Variants in STK10 observed in about 807,000 individuals in gnomAD.
STK10 encodes serine/threonine-protein kinase 10.
In STK10, 78 loss-of-function variants were observed where a neutral mutation model predicts 113.8. The ratio of observed to expected loss-of-function variants is 0.69; its 90% CI spans 0.57 to 0.83. The LOEUF is 0.83. STK10 is among the 40% of genes least tolerant of loss of function. STK10 has a pLI of 0.00. For synonymous variants in STK10, 465 were observed against 494.7 expected (o/e 0.94, Z 0.80); for missense variants, 1,109 against 1,280.1 (o/e 0.87, Z 2.04).
chr5:172,156,920 T>G (rs1331611414), intron 1 of STK10, 132 bp from the exon 2 acceptor site: 9 of 1,013,836 alleles, frequency 8.9e-6, no homozygotes, highest in Non-Finnish European at 1.3e-5. Context: ...GAACGTACAT[T>G]GTTCTTAACA....
intron 13 of STK10, among the ~76,000 whole-genome samples, chr5:172,061,982 C>CTT (rs1010011082): frequency 4.2e-5 from 6 of 142,136 alleles, no homozygotes; most frequent in African/African-American, 1.0e-4. Context: ...TTTCTTTTTT[C>CTT]TTTTTTTTTT....
At chr5:172,106,140 G>A (rs376378758) in intron 6 of STK10, among the ~76,000 whole-genome samples, 2 of 152,096 alleles carry the variant, frequency 1.3e-5, no homozygotes, top group African/African-American at 4.8e-5. Flanking sequence ...AGGCAGCACG[G>A]TAGCTCACGC....
chr5:172,146,255 C>A (rs1288130081), intron 2 of STK10, among the ~76,000 whole-genome samples: 3 of 152,156 alleles, frequency 2.0e-5, no homozygotes, highest in Non-Finnish European at 2.9e-5. Context: ...GAATGAATGA[C>A]TGAGTGAATC....
At chr5:172,181,072 A>ACATC (rs1413507627) in intron 1 of STK10, among the ~76,000 whole-genome samples, 1 of 152,192 alleles carries the variant, frequency 6.6e-6, no homozygotes, top group Non-Finnish European at 1.5e-5. Flanking sequence ...CACACCTCTG[A>ACATC]CATCCATCAA....
chr5:172,083,938 A>AAG (rs2113733030), intron 10 of STK10, among the ~76,000 whole-genome samples: 1 of 151,938 alleles, frequency 6.6e-6, no homozygotes, highest in African/African-American at 2.4e-5. Context: ...AAAAAAAAAA[A>AAG]AAAAGAATAA....
chr5:172,175,296 TA>T (rs1770738893), intron 1 of STK10, among the ~76,000 whole-genome samples: 1 of 151,224 alleles, frequency 6.6e-6, no homozygotes. Flanking sequence ...AAAAAATCGG[TA>T]AGCTATGGGG....
intron 1 of STK10, among the ~76,000 whole-genome samples, chr5:172,165,106 G>A (rs1419606229): frequency 6.6e-6 from 1 of 152,188 alleles, no homozygotes; most frequent in African/African-American, 2.4e-5. Flanking sequence ...GTCAGGGGCT[G>A]GGGGCTTCCT....
chr5:172,181,464 T>G (rs1176827541), intron 1 of STK10, among the ~76,000 whole-genome samples: 1 of 150,988 alleles, frequency 6.6e-6, no homozygotes, highest in African/African-American at 2.5e-5. Context: ...GTGCCTGGCA[T>G]ACGATTATTT....
intron 3 of STK10, among the ~76,000 whole-genome samples, chr5:172,119,800 C>G (rs1769467460): frequency 6.7e-6 from 1 of 149,766 alleles, no homozygotes; most frequent in East Asian, 1.9e-4. Context: ...GGAGGCAGAG[C>G]TTGCAGTGAG....
chr5:172,126,076 G>A (rs963866359), intron 3 of STK10, among the ~76,000 whole-genome samples: 1 of 152,012 alleles, frequency 6.6e-6, no homozygotes, highest in Non-Finnish European at 1.5e-5. Flanking sequence ...TCCTCTTCTG[G>A]GCCATCCCAG....
At chr5:172,118,878 CAAAAAAA>C (rs3028101) in intron 3 of STK10, among the ~76,000 whole-genome samples, 2 of 71,306 alleles carry the variant, frequency 2.8e-5, no homozygotes, top group African/African-American at 5.0e-5. Context: ...GACTCAGTCT[CAAAAAAA>C]AAAAAAAAAA....
intron 1 of STK10, among the ~76,000 whole-genome samples, chr5:172,172,977 CA>C (rs908476999): frequency 6.8e-6 from 1 of 146,996 alleles, no homozygotes; most frequent in Non-Finnish European, 1.5e-5. Flanking sequence ...AAGACTCTGT[CA>C]AAAAAAAGAA....
At chr5:172,069,665 C>A (rs952769793) in intron 12 of STK10, among the ~76,000 whole-genome samples, 3 of 152,008 alleles carry the variant, frequency 2.0e-5, no homozygotes, top group Admixed American at 6.6e-5. Context: ...AAATGTGAAA[C>A]AAAAGCTGAC....
rs902498 is a variant in STK10 at position 172,133,737 on chromosome 5, G to A, written c.322-6316C>T. 0.2 allele frequency among the ~76,000 whole-genome samples: 30,727 copies of A among 152,212 alleles called. 3,238 individuals are homozygous for A. The highest frequency in any genetic ancestry group is 0.25 in the Non-Finnish European group (16,873 of 68,008). On this transcript the variant is annotated intron_variant, in intron 2 of 18. Transcript: ENST00000176763. This position sits in a 1 kb window ranked among gnomAD's most constrained non-coding sequence, Gnocchi z 4.9. ...ACGGAGAACAAGCCTGCTCCCTACT[G>A]ACTTTTTAGGCAGAATATGCAAACG...
intron 7 of STK10, among the ~76,000 whole-genome samples, chr5:172,100,929 G>T (rs2113756781): frequency 6.6e-6 from 1 of 152,218 alleles, no homozygotes; most frequent in Non-Finnish European, 1.5e-5. Flanking sequence ...TACCAGAGAG[G>T]TCAAGAGCAC....
At chr5:172,163,799 C>T in intron 1 of STK10, among the ~76,000 whole-genome samples, 1 of 152,188 alleles carries the variant, frequency 6.6e-6, no homozygotes, top group Non-Finnish European at 1.5e-5. Flanking sequence ...GATTTTTCTT[C>T]AGCAGGGACC....
At chr5:172,168,693 C>T (rs898513641) in intron 1 of STK10, among the ~76,000 whole-genome samples, 4 of 152,174 alleles carry the variant, frequency 2.6e-5, no homozygotes, top group Non-Finnish European at 5.9e-5. Context: ...AAGGGAGGCC[C>T]AGGCAGAGAA....
At chr5:172,079,631 G>C (rs1477384944) in intron 12 of STK10, among the ~76,000 whole-genome samples, 1 of 151,872 alleles carries the variant, frequency 6.6e-6, no homozygotes, top group Admixed American at 6.6e-5. Context: ...GCATGATCTC[G>C]GCTCACTGCA....
In STK10 at chr5:172,188,106, C is replaced by T. The variant is rs1770994625; in HGVS notation, c.-64G>A. ...GGGCTCGGGCTGTGGCTTCGGCGGC[C>T]GCGAGGAGAAGGAGGAGGAGTTGGA... On this transcript the variant is annotated 5_prime_UTR_variant, in exon 1 of 19. Coordinates refer to ENST00000176763, the MANE Select transcript of STK10 (RefSeq NM_005990.4). The surrounding 1 kb of genome is among the most constrained non-coding windows in gnomAD (Gnocchi z 5.6). 1 of 1,566,602 alleles carries T rather than the reference C, an allele frequency of 6.4e-7. No homozygotes were observed. The highest frequency in any genetic ancestry group is 1.7e-4 in the Middle Eastern group (1 of 5,790).
Sources: allele counts gnomAD v4.1 joint callset (sites outside exome capture counted in the v4.1 genomes callset), GRCh38; gene constraint gnomAD v4.1.1; non-coding constraint Gnocchi (gnomAD v3.1); transcripts MANE v1.5; gene names NCBI Gene and HGNC (gene_info 2026-07-23, HGNC 2026-07-21).